KCNQ1: variants seen among roughly 807,000 people sequenced by gnomAD.
The protein encoded by KCNQ1 is potassium voltage-gated channel subfamily KQT member 1.
In KCNQ1, 49 loss-of-function variants were observed where a neutral mutation model predicts 72.4. The ratio of observed to expected loss-of-function variants is 0.68; its 90% CI spans 0.54 to 0.86. The LOEUF (loss-of-function observed/expected upper bound fraction) is 0.86. Ranked by LOEUF, KCNQ1 falls within the 40% of genes least tolerant of loss-of-function variation. The pLI is 0.00. For missense variants in KCNQ1, 790 were observed against 945.1 expected (o/e 0.84, Z 2.15); for synonymous variants, 450 against 412.6 (o/e 1.09, Z -1.10).
chr11:2,464,654 C>G lies in KCNQ1; in HGVS notation c.386+19170C>G, dbSNP rs1346649837. ...GGAGTTGGGGGGGTGGGCAGTGCCT[C>G]TGTGTGGCAGATTCCAGCTTCTCTC... On this transcript the variant is annotated intron_variant, in intron 1 of 15. Transcript: ENST00000155840. The surrounding 1 kb of genome is among the most constrained non-coding windows in gnomAD (Gnocchi z 5.0). Among the ~76,000 whole-genome samples the G allele has an allele frequency of 6.6e-6, 1 of 152,064 alleles. No homozygotes were observed. Among genetic ancestry groups the G allele is most frequent in the African/African-American group, 2.4e-5 (1 of 41,402 alleles).
rs553633946 is a variant in KCNQ1, at chr11:2,828,814, G to A, written c.1795-18953G>A. 7.2e-5 allele frequency among the ~76,000 whole-genome samples: 11 copies of A among 152,286 alleles called. No homozygotes were observed. The highest frequency in any genetic ancestry group is 2.4e-4 in the African/African-American group (10 of 41,554). On this transcript the variant is annotated intron_variant, in intron 15 of 15. Coordinates refer to ENST00000155840, the MANE Select transcript of KCNQ1 (RefSeq NM_000218.3). This position sits in a 1 kb window ranked among gnomAD's most constrained non-coding sequence, Gnocchi z 5.3. ...TCCCTCATCAACTCCCAGAATGCCC[G>A]GTGGGGCACACCATTGTTTTCAGAA...
intron 11 of KCNQ1, among the ~76,000 whole-genome samples, chr11:2,718,680 G>A (rs1393995246): frequency 6.6e-6 from 1 of 152,138 alleles, no homozygotes; most frequent in East Asian, 1.9e-4. Flanking sequence ...CCTGGGCTAG[G>A]GCCACTTATA....
At position 2,537,190 on chromosome 11, in the gene KCNQ1, T is replaced by G. The variant is rs775048034; in HGVS notation, c.477+9172T>G. Among the ~76,000 whole-genome samples, 1 of 151,914 alleles carries G rather than the reference T, an allele frequency of 6.6e-6. No individual in the cohort carries two copies. The highest frequency in any genetic ancestry group is 1.5e-5 in the Non-Finnish European group (1 of 68,012). The stretch of plus-strand genomic sequence containing the variant: ...ATGGCCCACAGGGTGGCTCCCTGTG[T>G]GTGTAAATAAAGCTTTATTAGCACA... On this transcript the variant is annotated intron_variant, in intron 2 of 15. Transcript: ENST00000155840. This position sits in a 1 kb window ranked among gnomAD's most constrained non-coding sequence, Gnocchi z 5.2.
In KCNQ1 at chr11:2,538,484, T is replaced by A. The variant is rs559887115; in HGVS notation, c.477+10466T>A. On this transcript the variant is annotated intron_variant, in intron 2 of 15. Coordinates refer to ENST00000155840, the MANE Select transcript of KCNQ1 (RefSeq NM_000218.3). The surrounding 1 kb of genome is among the most constrained non-coding windows in gnomAD (Gnocchi z 6.7). ...CAGGTCCCCTGTCCCAGGACCGCGG[T>A]TGACAGGGTTTGGATTGGCTGCGTT... 6.6e-6 allele frequency among the ~76,000 whole-genome samples: 1 copy of A among 152,340 alleles called. No individual in the cohort carries two copies. Among genetic ancestry groups the A allele is most frequent in the East Asian group, 1.9e-4 (1 of 5,168 alleles).
In KCNQ1 at chr11:2,565,918, G is replaced by A. The variant is rs1216086851; in HGVS notation, c.478-4710G>A. The stretch of plus-strand genomic sequence containing the variant: ...GGGTGCTGTGGTCCTGGTGGCTCTT[G>A]TGCCTGCACCCGCCTTGGGGCCATC... On this transcript the variant is annotated intron_variant, in intron 2 of 15. Coordinates refer to ENST00000155840, the MANE Select transcript of KCNQ1 (RefSeq NM_000218.3). This position sits in a 1 kb window ranked among gnomAD's most constrained non-coding sequence, Gnocchi z 5.6. Among the ~76,000 whole-genome samples the A allele has an allele frequency of 6.6e-6, 1 of 152,170 alleles. No homozygotes were observed. Among genetic ancestry groups the A allele is most frequent in the Non-Finnish European group, 1.5e-5 (1 of 68,028 alleles).
rs753470672 is a variant in KCNQ1 at position 2,463,175 on chromosome 11, T to G, written c.386+17691T>G. On this transcript the variant is annotated intron_variant, in intron 1 of 15. Coordinates refer to ENST00000155840, the MANE Select transcript of KCNQ1 (RefSeq NM_000218.3). The surrounding 1 kb of genome is among the most constrained non-coding windows in gnomAD (Gnocchi z 7.0). ...AGTGGGGAACTGGACGCTCCGTCCCTGGCTCAGCCTCTCCCGGCTGTGACC... is the reference window on the plus strand; with the variant it reads ...AGTGGGGAACTGGACGCTCCGTCCCGGGCTCAGCCTCTCCCGGCTGTGACC... Among the ~76,000 whole-genome samples the G allele has an allele frequency of 3.4e-4, 52 of 152,108 alleles. No homozygotes were observed. Among genetic ancestry groups the G allele is most frequent in the Admixed American group, 2.2e-3 (34 of 15,282 alleles).
rs1849793140 is a variant in KCNQ1 at position 2,653,720 on chromosome 11, T to A, written c.1394-8241T>A. The stretch of plus-strand genomic sequence containing the variant: ...AGAACGAGGTCATCTCTTCCAGGAT[T>A]CCTGCCAGAATCTAAGGCCAGGTTC... On this transcript the variant is annotated intron_variant, in intron 10 of 15. Transcript: ENST00000155840. The surrounding 1 kb of genome is among the most constrained non-coding windows in gnomAD (Gnocchi z 5.3). The A allele has an allele frequency of 1.5e-5, 6 of 398,642 alleles. No individual in the cohort carries two copies. In the East Asian group the frequency reaches 2.1e-4, roughly 14 times the overall value. The allele number at this position is 398,642 out of a possible 1,614,324, so 24.7% of individuals were successfully genotyped here. A position where few individuals can be genotyped will look rare whatever the true frequency, so the allele number is the denominator to read the frequency against.
chr11:2,842,596 G>A (rs1023637597), intron 15 of KCNQ1, among the ~76,000 whole-genome samples: 1 of 152,162 alleles, frequency 6.6e-6, no homozygotes, highest in Non-Finnish European at 1.5e-5. Flanking sequence ...GTACAAGGGT[G>A]CAGGGTGGTT....
At chr11:2,747,469 G>T (rs1846159098) in intron 11 of KCNQ1, among the ~76,000 whole-genome samples, 1 of 152,210 alleles carries the variant, frequency 6.6e-6, no homozygotes, top group African/African-American at 2.4e-5. Flanking sequence ...GGCAGCCGGT[G>T]CTTGGTCCCT....
chr11:2,636,736 T>A (rs969539278), intron 10 of KCNQ1: 3 of 152,196 alleles, frequency 2.0e-5, no homozygotes, highest in African/African-American at 4.8e-5. Context: ...TTTTCTATTG[T>A]TTGGAATAGT....
In KCNQ1 at chr11:2,599,582, C is replaced by T. The variant is rs547687389; in HGVS notation, c.1393+10728C>T. On this transcript the variant is annotated intron_variant, in intron 10 of 15. Coordinates refer to ENST00000155840, the MANE Select transcript of KCNQ1 (RefSeq NM_000218.3). This position sits in a 1 kb window ranked among gnomAD's most constrained non-coding sequence, Gnocchi z 4.7. ...GACTGCCATAACAAAATACCACAGGCTGGGTGGCTTAGACAGCAGACATGT... is the reference window on the plus strand; with the variant it reads ...GACTGCCATAACAAAATACCACAGGTTGGGTGGCTTAGACAGCAGACATGT... 1.3e-5 allele frequency among the ~76,000 whole-genome samples: 2 copies of T among 152,312 alleles called. No individual in the cohort carries two copies. Among genetic ancestry groups the T allele is most frequent in the Admixed American group, 6.5e-5 (1 of 15,302 alleles).
rs1156759118 is a variant in KCNQ1, at chr11:2,579,008, C to T, written c.922-4427C>T. Among the ~76,000 whole-genome samples, 3 of 152,232 alleles carry T rather than the reference C, an allele frequency of 2.0e-5. No individual in the cohort carries two copies. The East Asian group carries it at 5.8e-4, about 29-fold the overall frequency. On this transcript the variant is annotated intron_variant, in intron 6 of 15. Transcript: ENST00000155840. The surrounding 1 kb of genome is among the most constrained non-coding windows in gnomAD (Gnocchi z 6.0). ...TGTGACACCTCTGGGCTACCCCCTC[C>T]TCCCGCTCTTGACCACCCCTTCCTC...
chr11:2,700,811 C>T (rs1261438870), intron 11 of KCNQ1, among the ~76,000 whole-genome samples: 3 of 151,562 alleles, frequency 2.0e-5, no homozygotes, highest in African/African-American at 7.3e-5. Context: ...TTGACCGCGT[C>T]TGCCGGCCCC....
intron 11 of KCNQ1, chr11:2,693,111 C>G (rs1485063690): frequency 1.3e-5 from 5 of 398,526 alleles, no homozygotes; most frequent in Admixed American, 4.4e-5. Flanking sequence ...GTCATTTGCC[C>G]CAAGACTACT....
intron 10 of KCNQ1, chr11:2,640,749 C>G (rs1039285353): frequency 4.0e-5 from 16 of 398,002 alleles, no homozygotes; most frequent in African/African-American, 2.9e-4. Flanking sequence ...TATAGTCAAC[C>G]AACTCTTATC....
rs1337954384 is a variant in KCNQ1, at chr11:2,462,014, C to T, written c.386+16530C>T. The T allele has an allele frequency of 5.8e-6, 2 of 346,184 alleles. No homozygotes were observed. The highest frequency in any genetic ancestry group is 7.6e-5 in the East Asian group (1 of 13,212). 21.4% of individuals were successfully genotyped at this position (346,184 alleles called of 1,614,324 possible). ...CTCAGCCAGCCTAGTCCCAATACAG[C>T]TGGGATGCATTGCTGCTCCTTCCGC... On this transcript the variant is annotated intron_variant, in intron 1 of 15. Coordinates refer to ENST00000155840, the MANE Select transcript of KCNQ1 (RefSeq NM_000218.3). This position sits in a 1 kb window ranked among gnomAD's most constrained non-coding sequence, Gnocchi z 8.2.
In KCNQ1 at chr11:2,846,980, G is replaced by C. The variant is rs552580667; in HGVS notation, c.1795-787G>C. ...TGGAGGCCACATGGCTAGCCAGAGG[G>C]CACGCTCTAGGGCACTGCTCTGACC... is the stretch of plus-strand genomic sequence containing the variant. On this transcript the variant is annotated intron_variant, in intron 15 of 15. Coordinates refer to ENST00000155840, the MANE Select transcript of KCNQ1 (RefSeq NM_000218.3). Among the ~76,000 whole-genome samples the C allele has an allele frequency of 2.0e-5, 3 of 152,376 alleles. No individual in the cohort carries two copies. The East Asian group carries it at 5.8e-4, about 29-fold the overall frequency.
At chr11:2,697,764 TTAGC>T (rs1398153056) in intron 11 of KCNQ1, 2 of 398,524 alleles carry the variant, frequency 5.0e-6, no homozygotes, top group Non-Finnish European at 8.8e-6. Flanking sequence ...TTGGATTCAG[TTAGC>T]TAGCATTGTA....
intron 15 of KCNQ1, among the ~76,000 whole-genome samples, chr11:2,835,116 C>G (rs1848033643): frequency 6.6e-6 from 1 of 152,172 alleles, no homozygotes; most frequent in African/African-American, 2.4e-5. Flanking sequence ...CCGTCTGGGT[C>G]AGCCGCAGCT....
Sources: gnomAD v4.1 joint callset for allele counts (sites outside exome capture counted in the v4.1 genomes callset) on GRCh38, gnomAD v4.1.1 for gene constraint, Gnocchi (gnomAD v3.1) non-coding constraint, MANE v1.5 for transcripts, NCBI Gene and HGNC (gene_info 2026-07-23, HGNC 2026-07-21) for gene names.